Variants in GLIS1 observed in about 807,000 individuals in gnomAD.
The protein encoded by GLIS1 is GLIS family zinc finger 1.
Under a neutral mutation model 63.8 loss-of-function variants are expected in GLIS1, and 24 were observed. The observed-to-expected ratio is 0.38, with a 90% CI of 0.27 to 0.53. The LOEUF (loss-of-function observed/expected upper bound fraction) is 0.53. GLIS1 is among the 20% of genes least tolerant of loss of function. GLIS1 has a pLI of 0.85. For missense variants in GLIS1, 1,036 were observed against 1,074.1 expected (o/e 0.96, Z 0.50); for synonymous variants, 450 against 482.5 (o/e 0.93, Z 0.88).
intron 4 of GLIS1, among the ~76,000 whole-genome samples, chr1:53,559,293 C>G (rs537954019): frequency 6.6e-6 from 1 of 152,298 alleles, no homozygotes; most frequent in East Asian, 1.9e-4. Context: ...GCACCAGGGC[C>G]TCCTGGCTTG....
At chr1:53,562,652 C>G (rs950041308) in intron 4 of GLIS1, among the ~76,000 whole-genome samples, 1 of 152,192 alleles carries the variant, frequency 6.6e-6, no homozygotes, top group Admixed American at 6.5e-5. Context: ...GCTGGTACAC[C>G]TCCAGATATT....
At chr1:53,529,973 G>A (rs759369935) in intron 4 of GLIS1, 21 bp from the exon 5 acceptor site, 1 of 1,608,832 alleles carries the variant, frequency 6.2e-7, no homozygotes, top group South Asian at 1.1e-5. Flanking sequence ...GGCTGGTGAG[G>A]GGAACTCCCA....
At chr1:53,565,472 C>T (rs1644929166) in intron 4 of GLIS1, among the ~76,000 whole-genome samples, 1 of 151,528 alleles carries the variant, frequency 6.6e-6, no homozygotes, top group South Asian at 2.1e-4. Flanking sequence ...AGACAAACCT[C>T]CGATGAAATA....
In GLIS1 at chr1:53,574,671, C is replaced by T. The variant is rs1645014768; in HGVS notation, c.1320+19437G>A. Among the ~76,000 whole-genome samples, 1 of 152,192 alleles carries T rather than the reference C, an allele frequency of 6.6e-6. No homozygotes were observed. Among genetic ancestry groups the T allele is most frequent in the African/African-American group, 2.4e-5 (1 of 41,428 alleles). ...CTGGTGGGTCATGATGTCTGCTGGT[C>T]CCCAATATGAGTAAAGGAAGCAGCC... On this transcript the variant is annotated intron_variant, in intron 4 of 10. Coordinates refer to ENST00000628545, the MANE Select transcript of GLIS1 (RefSeq NM_001367484.1). The surrounding 1 kb of genome is among the most constrained non-coding windows in gnomAD (Gnocchi z 4.2).
chr1:53,679,513 G>A (rs1174670047), intron 2 of GLIS1, among the ~76,000 whole-genome samples: 1 of 152,156 alleles, frequency 6.6e-6, no homozygotes, highest in East Asian at 1.9e-4. Flanking sequence ...CAGAGACTCA[G>A]ACCCCTGCCC....
At chr1:53,734,129 A>G (rs1646890756) in intron 2 of GLIS1, 1 of 982,002 alleles carries the variant, frequency 1.0e-6, no homozygotes, top group East Asian at 1.1e-4. Context: ...GGCTGTTTTT[A>G]TAACGGCGGG....
intron 2 of GLIS1, among the ~76,000 whole-genome samples, chr1:53,666,234 C>G (rs967514939): frequency 6.6e-6 from 1 of 152,216 alleles, no homozygotes; most frequent in African/African-American, 2.4e-5. Context: ...AGGGCTAGTG[C>G]TTCACAAACA....
chr1:53,550,577 G>A (rs1028188516), intron 4 of GLIS1, among the ~76,000 whole-genome samples: 19 of 152,152 alleles, frequency 1.2e-4, no homozygotes, highest in Admixed American at 8.5e-4. Flanking sequence ...TATGAGTGGC[G>A]GAAGATAAGT....
intron 2 of GLIS1, among the ~76,000 whole-genome samples, chr1:53,683,606 C>T (rs368825079): frequency 1.2e-4 from 18 of 152,106 alleles, no homozygotes; most frequent in Non-Finnish European, 2.1e-4. Flanking sequence ...GCATCAAGGA[C>T]GTTAGCAGGT....
intron 2 of GLIS1, among the ~76,000 whole-genome samples, chr1:53,732,313 C>T (rs1374960850): frequency 6.6e-6 from 1 of 152,168 alleles, no homozygotes; most frequent in African/African-American, 2.4e-5. Flanking sequence ...TTCTCTCCAC[C>T]CCTACCCAGC....
chr1:53,523,931 G>A (rs527500046), intron 6 of GLIS1, among the ~76,000 whole-genome samples: 1 of 152,214 alleles, frequency 6.6e-6, no homozygotes, highest in South Asian at 2.1e-4. Context: ...GCACACACTG[G>A]GCTTCAGGCT....
At chr1:53,530,940 G>T (rs75311579) in intron 4 of GLIS1, among the ~76,000 whole-genome samples, 74 of 152,238 alleles carry the variant, frequency 4.9e-4, no homozygotes, top group Admixed American at 3.9e-4. Context: ...GCTGACGGGC[G>T]CCTGCTACAT....
At chr1:53,582,949 A>AT (rs1645100492) in intron 4 of GLIS1, among the ~76,000 whole-genome samples, 1 of 151,968 alleles carries the variant, frequency 6.6e-6, no homozygotes, top group African/African-American at 2.4e-5. Flanking sequence ...TGAAGCACTC[A>AT]TTTTTTCTGC....
At chr1:53,600,572 A>C (rs1368837169) in intron 2 of GLIS1, among the ~76,000 whole-genome samples, 1 of 152,196 alleles carries the variant, frequency 6.6e-6, no homozygotes, top group Non-Finnish European at 1.5e-5. Context: ...TTCTAGGTGC[A>C]GGAAACACTG....
Position 53,529,789 on chromosome 1 carries a change from A to G in GLIS1, c.1482+2T>C. ...CCCTGGGCCTCTGCCTGTTGGGCCT[A>G]CCGTGTCTAGGTGGGTGCGCTGGTG... is the stretch of plus-strand genomic sequence containing the variant. On this transcript the variant is annotated splice_donor_variant, in intron 5 of 10. Transcript: ENST00000628545. LOFTEE classifies it high-confidence loss of function. 1 of 1,609,648 alleles carries G rather than the reference A, an allele frequency of 6.2e-7. No individual in the cohort carries two copies. The highest frequency in any genetic ancestry group is 8.5e-7 in the Non-Finnish European group (1 of 1,179,356).
intron 2 of GLIS1, among the ~76,000 whole-genome samples, chr1:53,712,613 C>T (rs1005453385): frequency 3.5e-4 from 54 of 152,304 alleles, no homozygotes; most frequent in African/African-American, 1.1e-3. Flanking sequence ...GCACAGGACT[C>T]GACACAGAGG....
rs1258755176 is a variant in GLIS1 at position 53,511,067 on chromosome 1, C to G, written c.1884-1040G>C. 6.6e-6 allele frequency among the ~76,000 whole-genome samples: 1 copy of G among 152,188 alleles called. No homozygotes were observed. Among genetic ancestry groups the G allele is most frequent in the Non-Finnish European group, 1.5e-5 (1 of 68,028 alleles). Reference sequence around the variant, plus strand: ...GCTACCTTCCTAAGCCCCTGGGCCCCGTTCACAGGGGCTAAAATGACTTTG... The same window carrying G: ...GCTACCTTCCTAAGCCCCTGGGCCCGGTTCACAGGGGCTAAAATGACTTTG... On this transcript the variant is annotated intron_variant, in intron 8 of 10. Coordinates refer to ENST00000628545, the MANE Select transcript of GLIS1 (RefSeq NM_001367484.1). The surrounding 1 kb of genome is among the most constrained non-coding windows in gnomAD (Gnocchi z 4.2).
rs1000511946 is a variant in GLIS1 at position 53,649,208 on chromosome 1, T to C, written c.260-48930A>G. ...ACTACCATAAAATATATACGAATTATAAAAAGTTTAAATGTATCCAAATCT... is the reference window on the plus strand; with the variant it reads ...ACTACCATAAAATATATACGAATTACAAAAAGTTTAAATGTATCCAAATCT... On this transcript the variant is annotated intron_variant, in intron 2 of 10. Transcript: ENST00000628545. Among the ~76,000 whole-genome samples, 10 of 152,236 alleles carry C rather than the reference T, an allele frequency of 6.6e-5. No homozygotes were observed. The East Asian group carries it at 7.7e-4, about 12-fold the overall frequency.
At chr1:53,537,311 G>C (rs141686661) in intron 4 of GLIS1, among the ~76,000 whole-genome samples, 1 of 152,180 alleles carries the variant, frequency 6.6e-6, no homozygotes, top group Non-Finnish European at 1.5e-5. Context: ...ATCTGTGGAC[G>C]GGCTAAGAGC....
Sources: allele counts gnomAD v4.1 joint callset (sites outside exome capture counted in the v4.1 genomes callset), GRCh38; gene constraint gnomAD v4.1.1; non-coding constraint Gnocchi (gnomAD v3.1); transcripts MANE v1.5; gene names NCBI Gene and HGNC (gene_info 2026-07-23, HGNC 2026-07-21).